The following NCALD variants were observed in gnomAD, a reference collection of about 807,000 sequenced individuals.
NCALD encodes neurocalcin-delta.
In NCALD, 10 loss-of-function variants were observed where a neutral mutation model predicts 18.6. The observed-to-expected ratio is 0.54, with a 90% CI of 0.33 to 0.91. The LOEUF is 0.91. Ranked by LOEUF, NCALD falls within the 40% of genes least tolerant of loss-of-function variation. The pLI, the probability that NCALD is intolerant of heterozygous loss-of-function variation, is 0.03. For synonymous variants in NCALD, 88 were observed against 87.4 expected (o/e 1.01, Z -0.04); for missense variants, 184 against 247.6 (o/e 0.74, Z 1.72).
intron 4 of NCALD, among the ~76,000 whole-genome samples, chr8:101,839,582 A>G (rs1478248143): frequency 6.6e-6 from 1 of 152,220 alleles, no homozygotes; most frequent in African/African-American, 2.4e-5. Context: ...TTAAAATGAA[A>G]CAAAGTATGT....
chr8:102,099,009 G>T (rs764045480), intron 1 of NCALD, among the ~76,000 whole-genome samples: 51 of 152,148 alleles, frequency 3.4e-4, no homozygotes, highest in Non-Finnish European at 6.3e-4. Flanking sequence ...GGCCATGTTG[G>T]CTTCCCTATT....
At chr8:101,736,456 G>GTA (rs1809918980) in intron 1 of NCALD, among the ~76,000 whole-genome samples, 1 of 152,154 alleles carries the variant, frequency 6.6e-6, no homozygotes, top group Non-Finnish European at 1.5e-5. Flanking sequence ...CTGCTAAAAA[G>GTA]TATATATATT....
chr8:101,687,980 G>A lies in NCALD; in HGVS notation c.*1329C>T, dbSNP rs764146465. 3.9e-5 allele frequency: 6 copies of A among 152,250 alleles called. No individual in the cohort carries two copies. Among genetic ancestry groups the A allele is most frequent in the Non-Finnish European group, 8.8e-5 (6 of 68,058 alleles). 9.4% of individuals were successfully genotyped at this position (152,250 alleles called of 1,614,324 possible). A position where few individuals can be genotyped will look rare whatever the true frequency, so the allele number is the denominator to read the frequency against. On this transcript the variant is annotated 3_prime_UTR_variant, in exon 4 of 4. Coordinates refer to ENST00000220931, the MANE Select transcript of NCALD (RefSeq NM_032041.3). Reference sequence around the variant, plus strand: ...CAGACACACTTGCCCATGTCTTTATGATGAATTTGATGACTGCCCAACCTC... The same window carrying A: ...CAGACACACTTGCCCATGTCTTTATAATGAATTTGATGACTGCCCAACCTC...
intron 1 of NCALD, among the ~76,000 whole-genome samples, chr8:102,075,967 CAAA>C (rs1824332494): frequency 6.8e-6 from 1 of 147,844 alleles, no homozygotes; most frequent in Non-Finnish European, 1.5e-5. Context: ...AAAAAACAAA[CAAA>C]AAACTGGAAA....
chr8:101,721,368 A>G (rs1260626138), intron 1 of NCALD: 1 of 152,470 alleles, frequency 6.6e-6, no homozygotes. Flanking sequence ...CCCACCGCAA[A>G]TGGCATTTGG....
At chr8:101,733,641 G>A (rs1358517442) in intron 1 of NCALD, among the ~76,000 whole-genome samples, 5 of 152,186 alleles carry the variant, frequency 3.3e-5, no homozygotes, top group Admixed American at 2.0e-4. Flanking sequence ...GCCCTCCAGA[G>A]TTGGGGACAT....
chr8:101,960,394 T>C (rs1819793795), intron 2 of NCALD, among the ~76,000 whole-genome samples: 1 of 152,074 alleles, frequency 6.6e-6, no homozygotes, highest in Admixed American at 6.5e-5. Flanking sequence ...CCCCAACCCA[T>C]TTTTCAGGAA....
intron 2 of NCALD, among the ~76,000 whole-genome samples, chr8:101,998,769 AT>A (rs1295255671): frequency 6.6e-6 from 1 of 152,130 alleles, no homozygotes; most frequent in Non-Finnish European, 1.5e-5. Flanking sequence ...GACTCTCTTC[AT>A]TCAAACCCTC....
intron 2 of NCALD, among the ~76,000 whole-genome samples, chr8:101,941,815 T>C (rs772937339): frequency 3.3e-5 from 5 of 152,244 alleles, no homozygotes; most frequent in Admixed American, 6.5e-5. Context: ...TATTTTACAG[T>C]CATTAATATC....
intron 4 of NCALD, chr8:101,871,913 T>A: frequency 1.4e-6 from 1 of 700,896 alleles, no homozygotes; most frequent in South Asian, 1.5e-5. Context: ...ATCGGCTTCT[T>A]AGGGTTTTCC....
chr8:101,722,595 G>T (rs1458887490), intron 1 of NCALD, among the ~76,000 whole-genome samples: 2 of 152,184 alleles, frequency 1.3e-5, no homozygotes, highest in African/African-American at 4.8e-5. Flanking sequence ...CTTAAAGAAT[G>T]ATTTATGTCT....
intron 2 of NCALD, among the ~76,000 whole-genome samples, chr8:101,931,060 C>G (rs556751542): frequency 2.0e-5 from 3 of 152,182 alleles, no homozygotes; most frequent in African/African-American, 7.2e-5. Context: ...GCACCACTGT[C>G]CCTGGTGTCA....
chr8:101,797,651 A>C (rs1812688949), intron 4 of NCALD, among the ~76,000 whole-genome samples: 1 of 152,144 alleles, frequency 6.6e-6, no homozygotes, highest in Non-Finnish European at 1.5e-5. Context: ...CACTGTCTTT[A>C]CTAAAAATAC....
intron 1 of NCALD, among the ~76,000 whole-genome samples, chr8:101,760,241 C>G (rs1378508073): frequency 6.6e-6 from 1 of 152,210 alleles, no homozygotes; most frequent in Non-Finnish European, 1.5e-5. Flanking sequence ...GTTTGGCTGG[C>G]CTGGCTAGCA....
chr8:102,106,043 T>G (rs1250465707), intron 1 of NCALD, among the ~76,000 whole-genome samples: 2 of 152,014 alleles, frequency 1.3e-5, no homozygotes, highest in Non-Finnish European at 2.9e-5. Flanking sequence ...CCTAGTCCTT[T>G]ACCACCAAGA....
At chr8:101,839,382 C>A (rs1325214382) in intron 4 of NCALD, among the ~76,000 whole-genome samples, 2 of 152,034 alleles carry the variant, frequency 1.3e-5, no homozygotes, top group Non-Finnish European at 2.9e-5. Flanking sequence ...GAACGTAAGG[C>A]TCAAGGGATT....
intron 4 of NCALD, among the ~76,000 whole-genome samples, chr8:101,801,698 C>G (rs1586539252): frequency 9.2e-6 from 1 of 109,236 alleles, no homozygotes; most frequent in South Asian, 3.4e-4. Flanking sequence ...ACGGAATCTC[C>G]CTCTGTCGCC....
At chr8:101,940,029 T>C (rs1480786277) in intron 2 of NCALD, among the ~76,000 whole-genome samples, 1 of 152,234 alleles carries the variant, frequency 6.6e-6, no homozygotes, top group Non-Finnish European at 1.5e-5. Flanking sequence ...GAGTGGCAAT[T>C]AGCCTGCCTT....
At chr8:101,694,975 C>T (rs1814920707) in intron 2 of NCALD, among the ~76,000 whole-genome samples, 1 of 152,184 alleles carries the variant, frequency 6.6e-6, no homozygotes, top group Admixed American at 6.5e-5. Context: ...AACCTCTCCC[C>T]AGCTTGCTTT....
Sources: allele counts gnomAD v4.1 joint callset (sites outside exome capture counted in the v4.1 genomes callset), GRCh38; gene constraint gnomAD v4.1.1; transcripts MANE v1.5; gene names NCBI Gene and HGNC (gene_info 2026-07-23, HGNC 2026-07-21).